ZFHX3: variants seen among roughly 807,000 people sequenced by gnomAD.
ZFHX3 encodes zinc finger homeobox protein 3.
Under a neutral mutation model 279.1 loss-of-function variants are expected in ZFHX3, and 42 were observed. The ratio of observed to expected loss-of-function variants is 0.15; its 90% CI spans 0.12 to 0.19. The LOEUF (loss-of-function observed/expected upper bound fraction) is 0.19. Ranked by LOEUF, ZFHX3 falls within the 10% of genes least tolerant of loss-of-function variation. The pLI is 1.00. For missense variants in ZFHX3, 4,981 were observed against 4,754.0 expected, an observed-to-expected ratio of 1.05 and a Z score of -1.40; for synonymous variants, 2,293 against 1,957.8, an observed-to-expected ratio of 1.17 and a Z score of -4.52.
intron 1 of ZFHX3, among the ~76,000 whole-genome samples, chr16:73,682,888 A>G (rs1444286327): frequency 7.3e-5 from 2 of 27,560 alleles, no homozygotes; most frequent in East Asian, 6.5e-3. Flanking sequence ...GAAAGAAAGA[A>G]AGAAAGAAAG....
chr16:73,385,462 T>C (rs8050999), intron 3 of ZFHX3, among the ~76,000 whole-genome samples: 1,743 of 152,196 alleles, frequency 0.011, 41 homozygotes, highest in African/African-American at 0.04. Context: ...TGCTATCACT[T>C]ATAGGCCCTG....
At position 73,120,650 on chromosome 16, in the gene ZFHX3, C is replaced by CTTT. The variant is rs1174733016; in HGVS notation, c.-897+10315_-897+10317dup. Reference sequence around the variant, plus strand: ...TGTTTTTCTGCCCTATCCTCTCTACCTTTTTTTTTTTTTTTTTTTTTTGAG... The same window carrying CTTT: ...TGTTTTTCTGCCCTATCCTCTCTACCTTTTTTTTTTTTTTTTTTTTTTTTTGAG... On this transcript the variant is annotated intron_variant, in intron 7 of 17. Coordinates refer to the ZFHX3 transcript ENST00000641206. Among the ~76,000 whole-genome samples, 1,021 of 110,462 alleles carry CTTT rather than the reference C, an allele frequency of 9.2e-3. 34 individuals are homozygous for CTTT. The highest frequency in any genetic ancestry group is 0.026 in the African/African-American group (657 of 25,090). 72.5% of individuals were successfully genotyped at this position (110,462 alleles called of 152,430 possible).
chr16:73,672,749 A>T (rs1315250948), intron 2 of ZFHX3, among the ~76,000 whole-genome samples: 10 of 141,970 alleles, frequency 7.0e-5, no homozygotes, highest in Non-Finnish European at 1.5e-4. Flanking sequence ...TATGCTTTTT[A>T]TACCTTATAC....
intron 3 of ZFHX3, among the ~76,000 whole-genome samples, chr16:72,909,538 A>C (rs4788672): frequency 0.34 from 51,559 of 151,498 alleles, 9,543 homozygotes; most frequent in African/African-American, 0.48. Context: ...CACCCTCTTA[A>C]ACACACTCTT....
At chr16:73,083,401 A>T (rs370459462) in intron 8 of ZFHX3, 1 of 152,338 alleles carries the variant, frequency 6.6e-6, no homozygotes, top group Middle Eastern at 3.4e-3. Context: ...CTTCTGTATC[A>T]CAACTGGTAA....
At chr16:73,518,872 A>T (rs1289591948) in intron 2 of ZFHX3, among the ~76,000 whole-genome samples, 1 of 152,178 alleles carries the variant, frequency 6.6e-6, no homozygotes, top group African/African-American at 2.4e-5. Context: ...AGCTAAACAG[A>T]ACAGTGGCTA....
chr16:73,658,808 AC>A (rs2142172970), intron 2 of ZFHX3, among the ~76,000 whole-genome samples: 1 of 152,344 alleles, frequency 6.6e-6, no homozygotes, highest in Admixed American at 6.5e-5. Flanking sequence ...CTGTAAAACT[AC>A]ATCTTTGTTC....
intron 8 of ZFHX3, among the ~76,000 whole-genome samples, chr16:73,071,026 C>G (rs1485961131): frequency 7.1e-6 from 1 of 141,360 alleles, no homozygotes; most frequent in Non-Finnish European, 1.5e-5. Flanking sequence ...ACCCTCCCCC[C>G]CGCCCCCCGC....
chr16:73,700,291 T>G (rs1027062323), intron 1 of ZFHX3, among the ~76,000 whole-genome samples: 1 of 152,158 alleles, frequency 6.6e-6, no homozygotes, highest in Non-Finnish European at 1.5e-5. Context: ...TGTTCTCACC[T>G]AAATTAGATC....
At chr16:73,452,058 G>A (rs1021784151) in intron 3 of ZFHX3, among the ~76,000 whole-genome samples, 1 of 152,090 alleles carries the variant, frequency 6.6e-6, no homozygotes, top group African/African-American at 2.4e-5. Context: ...AGAGTTTCTG[G>A]GATAAACACA....
chr16:73,056,368 C>G (rs1965556294), intron 1 of ZFHX3, among the ~76,000 whole-genome samples: 1 of 151,842 alleles, frequency 6.6e-6, no homozygotes, highest in African/African-American at 2.4e-5. Flanking sequence ...TCTAATATAC[C>G]TGCACTAGTT....
intron 2 of ZFHX3, among the ~76,000 whole-genome samples, chr16:73,659,925 A>G (rs1338270860): frequency 6.6e-6 from 1 of 152,174 alleles, no homozygotes; most frequent in Non-Finnish European, 1.5e-5. Flanking sequence ...AGATTGATGG[A>G]GCGAGGTTGG....
At chr16:73,194,475 C>A (rs1186843044) in intron 5 of ZFHX3, among the ~76,000 whole-genome samples, 1 of 152,196 alleles carries the variant, frequency 6.6e-6, no homozygotes, top group African/African-American at 2.4e-5. Flanking sequence ...GCTGGGATTA[C>A]AGGCATGAGC....
chr16:73,637,782 T>A (rs2052541290), intron 2 of ZFHX3, among the ~76,000 whole-genome samples: 1 of 151,964 alleles, frequency 6.6e-6, no homozygotes, highest in Non-Finnish European at 1.5e-5. Flanking sequence ...GCATATTGCA[T>A]AAAAGACAAA....
At chr16:73,426,329 G>A (rs2017809758) in intron 3 of ZFHX3, among the ~76,000 whole-genome samples, 2 of 152,218 alleles carry the variant, frequency 1.3e-5, no homozygotes, top group Admixed American at 6.5e-5. Flanking sequence ...CAAAAAGGAG[G>A]TGACAAGGGT....
intron 4 of ZFHX3, among the ~76,000 whole-genome samples, chr16:72,859,689 C>T (rs1459033650): frequency 2.6e-5 from 4 of 152,176 alleles, no homozygotes; most frequent in African/African-American, 4.8e-5. Flanking sequence ...AGCGCAGAAA[C>T]GAGCTTTACT....
At chr16:73,527,503 G>A (rs946717834) in intron 2 of ZFHX3, among the ~76,000 whole-genome samples, 7 of 152,136 alleles carry the variant, frequency 4.6e-5, no homozygotes, top group African/African-American at 7.2e-5. Flanking sequence ...CAGTGAGTCC[G>A]GTCTCCTGGT....
intron 5 of ZFHX3, among the ~76,000 whole-genome samples, chr16:73,159,594 G>A (rs982061520): frequency 2.0e-5 from 3 of 152,100 alleles, no homozygotes; most frequent in Admixed American, 6.6e-5. Flanking sequence ...TATCCATCTC[G>A]GTCAAGCCAA....
chr16:72,974,158 C>A (rs577034773), intron 1 of ZFHX3, among the ~76,000 whole-genome samples: 4 of 152,302 alleles, frequency 2.6e-5, no homozygotes, highest in African/African-American at 9.6e-5. Context: ...GCAGAAGCAG[C>A]CAGGAGCCTT....
Sources: allele counts gnomAD v4.1 joint callset (sites outside exome capture counted in the v4.1 genomes callset), GRCh38; gene constraint gnomAD v4.1.1; transcripts MANE v1.5; gene names NCBI Gene and HGNC (gene_info 2026-07-23, HGNC 2026-07-21).